PAAF1: variants seen among roughly 807,000 people sequenced by gnomAD.
The protein encoded by PAAF1 is proteasomal ATPase associated factor 1.
PAAF1 carries 46 observed loss-of-function variants against 52.8 expected under a neutral mutation model. That is an observed-to-expected ratio of 0.87 (90% CI 0.69 to 1.11). PAAF1 has a LOEUF of 1.11. Ranked by LOEUF, PAAF1 falls within the 50% of genes most tolerant of loss-of-function variation. PAAF1 has a pLI of 0.00. For synonymous variants in PAAF1, 178 were observed against 172.8 expected, an observed-to-expected ratio of 1.03 and a Z score of -0.24; for missense variants, 424 against 477.4, an observed-to-expected ratio of 0.89 and a Z score of 1.04.
Position 73,924,633 on chromosome 11 carries a change from T to C in PAAF1, c.1037T>C (p.Ile346Thr), listed in dbSNP as rs928307195. ...IASQGDGSCF[I>T]VQQDLDYVTE... ...CTTTCAGGTGATGGAAGCTGTTTTATTGTCCAGCAAGACTTAGACTATGTC... is the reference window on the plus strand; with the variant it reads ...CTTTCAGGTGATGGAAGCTGTTTTACTGTCCAGCAAGACTTAGACTATGTC... The change falls in exon 11 of 12, where the codon ATT (isoleucine) becomes ACT (threonine). Residue 346 changes from isoleucine (I) to threonine (T), a missense_variant. Coordinates refer to ENST00000310571, the MANE Select transcript of PAAF1 (RefSeq NM_025155.3). 3.1e-6 allele frequency: 5 copies of C among 1,613,902 alleles called. No homozygotes were observed. In the African/African-American group the frequency reaches 6.7e-5, roughly 22 times the overall value.
upstream of PAAF1, chr11:73,876,960 C>A (rs1383530485): frequency 3.4e-6 from 5 of 1,469,810 alleles, no homozygotes; most frequent in African/African-American, 2.8e-5. Context: ...TCGCCGCACG[C>A]TTCTCGGGGA....
At chr11:73,899,408 C>CTTTTTTTTTTTTTTTTTTT (rs71065053) in intron 5 of PAAF1, among the ~76,000 whole-genome samples, 164 bp downstream of exon 5, 1 of 101,220 alleles carries the variant, frequency 9.9e-6, no homozygotes, top group Non-Finnish European at 2.0e-5. Context: ...TTCTTTTTCT[C>CTTTTTTTTTTTTTTTTTTT]TTTTTTTTTT....
rs1950429125 is a variant in PAAF1 at position 73,929,751 on chromosome 11, AGTC to A, written c.*2390_*2392del. On this transcript the variant is annotated 3_prime_UTR_variant, in exon 12 of 12. Transcript: ENST00000310571. ...GGAGCTCCAGGTGGAACATCTAAGAAGTCAGATTAAGAAAACAGGATGAGGCTG... is the reference window on the plus strand; with the variant it reads ...GGAGCTCCAGGTGGAACATCTAAGAAAGATTAAGAAAACAGGATGAGGCTG... The A allele has an allele frequency of 6.6e-6, 1 of 152,344 alleles. No homozygotes were observed. Among genetic ancestry groups the A allele is most frequent in the Non-Finnish European group, 1.5e-5 (1 of 68,114 alleles). 9.4% of individuals were successfully genotyped at this position (152,344 alleles called of 1,614,324 possible).
intron 8 of PAAF1, among the ~76,000 whole-genome samples, chr11:73,915,530 C>T (rs60520592): frequency 0.02 from 3,092 of 152,248 alleles, 107 homozygotes; most frequent in African/African-American, 0.069. Flanking sequence ...ATCACCTTAG[C>T]CTGGAAGGTC....
chr11:73,894,994 A>G (rs964187037), intron 4 of PAAF1, among the ~76,000 whole-genome samples: 1 of 152,228 alleles, frequency 6.6e-6, no homozygotes, highest in Admixed American at 6.5e-5. Context: ...AAAAACAAAC[A>G]TAACTGTGCT....
intron 9 of PAAF1, among the ~76,000 whole-genome samples, chr11:73,917,362 A>G (rs575429882): frequency 6.6e-6 from 1 of 152,210 alleles, no homozygotes; most frequent in Admixed American, 6.5e-5. Context: ...TCTGTTAGTT[A>G]TGTAGTTTTG....
At chr11:73,915,760 T>C (rs1337125189) in intron 8 of PAAF1, among the ~76,000 whole-genome samples, 1 of 152,248 alleles carries the variant, frequency 6.6e-6, no homozygotes, top group African/African-American at 2.4e-5. Context: ...AAAATTTCCT[T>C]CTAGCTCCTG....
intron 9 of PAAF1, among the ~76,000 whole-genome samples, chr11:73,918,512 T>C (rs1293278658): frequency 2.0e-5 from 3 of 151,158 alleles, no homozygotes; most frequent in Admixed American, 1.3e-4. Context: ...AGTCTTGCTC[T>C]GTAGCCCAGG....
intron 10 of PAAF1, chr11:73,922,070 A>C: frequency 2.3e-6 from 2 of 855,468 alleles, no homozygotes; most frequent in Non-Finnish European, 3.9e-6. Context: ...CTTCATCCAC[A>C]GTATCTGTAT....
chr11:73,924,413 T>C (rs796639337), intron 10 of PAAF1, among the ~76,000 whole-genome samples: 43 of 152,150 alleles, frequency 2.8e-4, no homozygotes, highest in African/African-American at 9.9e-4. Flanking sequence ...GCCATTGTAC[T>C]CTAGCCTGGG....
chr11:73,918,868 G>A (rs1326119010), intron 9 of PAAF1, 82 bp from the exon 10 acceptor site: 16 of 957,346 alleles, frequency 1.7e-5, no homozygotes, highest in Non-Finnish European at 2.4e-5. Flanking sequence ...TTGCTCTTAT[G>A]TGGTTAGTAC....
chr11:73,878,271 A>G (rs1228505177), intron 1 of PAAF1, among the ~76,000 whole-genome samples: 1 of 152,238 alleles, frequency 6.6e-6, no homozygotes, highest in African/African-American at 2.4e-5. Context: ...AAGATCATGC[A>G]TCTCGTCAAA....
intron 6 of PAAF1, among the ~76,000 whole-genome samples, chr11:73,907,204 CTA>C (rs1291956922): frequency 1.3e-5 from 2 of 151,968 alleles, no homozygotes; most frequent in Non-Finnish European, 2.9e-5. Flanking sequence ...GCTTCAAAAA[CTA>C]TAAAATCGAT....
intron 2 of PAAF1, chr11:73,879,854 C>CA (rs1399871670): frequency 6.6e-6 from 1 of 150,822 alleles, no homozygotes; most frequent in Admixed American, 6.6e-5. Flanking sequence ...GCCTGGGTGA[C>CA]AGAGTGAGAC....
intron 6 of PAAF1, among the ~76,000 whole-genome samples, chr11:73,907,398 G>T (rs1055617157): frequency 5.3e-5 from 8 of 152,152 alleles, no homozygotes; most frequent in African/African-American, 1.7e-4. Context: ...CTGCAGACAG[G>T]GGAGGTGGAA....
At chr11:73,920,255 T>C (rs1459309416) in intron 10 of PAAF1, among the ~76,000 whole-genome samples, 3 of 152,134 alleles carry the variant, frequency 2.0e-5, no homozygotes, top group Admixed American at 1.3e-4. Flanking sequence ...ACAAGTAGGC[T>C]GGGCACAGTG....
chr11:73,900,980 T>G (rs1313989965), intron 6 of PAAF1, among the ~76,000 whole-genome samples: 10 of 30,180 alleles, frequency 3.3e-4, no homozygotes, highest in Non-Finnish European at 4.8e-4. Context: ...AGACTCCGTC[T>G]CAAAAAAAAA....
chr11:73,918,738 G>T (rs925783688), intron 9 of PAAF1, among the ~76,000 whole-genome samples: 2 of 152,008 alleles, frequency 1.3e-5, no homozygotes, highest in African/African-American at 4.8e-5. Context: ...GATTTGGGTG[G>T]TGACTTAGTT....
chr11:73,880,538 T>C (rs1948866327), intron 2 of PAAF1: 1 of 144,696 alleles, frequency 6.9e-6, no homozygotes, highest in Admixed American at 6.9e-5. Context: ...ATACAAAAAA[T>C]TAGCCGGATG....
Sources: allele counts gnomAD v4.1 joint callset (sites outside exome capture counted in the v4.1 genomes callset), GRCh38; gene constraint gnomAD v4.1.1; transcripts MANE v1.5; gene names NCBI Gene and HGNC (gene_info 2026-07-23, HGNC 2026-07-21).